Variants in IQCM observed in about 807,000 individuals in gnomAD.
IQCM encodes IQ domain-containing protein M.
In IQCM, 45 loss-of-function variants were observed where a neutral mutation model predicts 57.6. The observed-to-expected ratio is 0.78, with a 90% CI of 0.62 to 1.00. The LOEUF (loss-of-function observed/expected upper bound fraction) is 1.00, where lower values mean the gene tolerates loss of function less well. IQCM is among the 50% of genes least tolerant of loss of function. IQCM has a pLI of 0.00. For missense variants in IQCM, 468 were observed against 511.6 expected (o/e 0.91, Z 0.82); for synonymous variants, 148 against 158.9 (o/e 0.93, Z 0.51).
chr4:149,565,780 T>G (rs551710942), intron 9 of IQCM, among the ~76,000 whole-genome samples: 1 of 152,298 alleles, frequency 6.6e-6, no homozygotes, highest in South Asian at 2.1e-4. Context: ...GTTCTCTTTG[T>G]GTCTATGTGT....
intron 13 of IQCM, among the ~76,000 whole-genome samples, chr4:149,420,507 G>GA (rs1734050748): frequency 2.6e-5 from 4 of 151,960 alleles, no homozygotes; most frequent in Admixed American, 2.6e-4. Context: ...AGACCATTGG[G>GA]AAAAATAGAT....
At chr4:149,710,522 C>T (rs559013975) in intron 5 of IQCM, among the ~76,000 whole-genome samples, 1 of 152,182 alleles carries the variant, frequency 6.6e-6, no homozygotes, top group African/African-American at 2.4e-5. Context: ...ATTCTTGTTG[C>T]TCCTCCCATT....
At position 149,701,726 on chromosome 4, in the gene IQCM, CT is replaced by C. The variant is rs563090266; in HGVS notation, c.386-15259del. ...TCAGCCTATATCACTAAAAAAGATA[CT>C]ACAAGAATAGAAAATGGTTAGAGTC... On this transcript the variant is annotated intron_variant, in intron 5 of 13. Coordinates refer to ENST00000636793, the MANE Select transcript of IQCM (RefSeq NM_001363507.2). Among the ~76,000 whole-genome samples, 43 of 152,054 alleles carry C rather than the reference CT, an allele frequency of 2.8e-4. 1 individual carries two copies. The South Asian group carries it at 4.2e-3, about 15-fold the overall frequency.
intron 13 of IQCM, among the ~76,000 whole-genome samples, chr4:149,389,390 T>C (rs1288858839): frequency 6.6e-6 from 1 of 152,018 alleles, no homozygotes; most frequent in Non-Finnish European, 1.5e-5. Context: ...ACAATGCTGC[T>C]ATAAAGACAC....
chr4:149,600,961 T>C (rs1016331347), intron 8 of IQCM, among the ~76,000 whole-genome samples: 13 of 152,174 alleles, frequency 8.5e-5, no homozygotes, highest in African/African-American at 2.7e-4. Flanking sequence ...GGGTATTATC[T>C]CATTCCTCAA....
At chr4:149,690,298 T>C (rs1233437794) in intron 5 of IQCM, among the ~76,000 whole-genome samples, 31 of 152,130 alleles carry the variant, frequency 2.0e-4, no homozygotes, top group Non-Finnish European at 3.4e-4. Flanking sequence ...TTGGAGACTA[T>C]TATTCTAAGT....
intron 7 of IQCM, among the ~76,000 whole-genome samples, chr4:149,641,458 C>A (rs1436514388): frequency 2.0e-5 from 3 of 151,906 alleles, no homozygotes; most frequent in Non-Finnish European, 2.9e-5. Context: ...CATTCATATA[C>A]AATTAGATGA....
At chr4:149,375,839 G>A (rs1019900231) in intron 13 of IQCM, among the ~76,000 whole-genome samples, 1 of 152,052 alleles carries the variant, frequency 6.6e-6, no homozygotes, top group Non-Finnish European at 1.5e-5. Flanking sequence ...ATCATTTAAT[G>A]AAACGAACAA....
intron 7 of IQCM, among the ~76,000 whole-genome samples, chr4:149,674,266 T>C (rs986541483): frequency 5.3e-5 from 8 of 152,140 alleles, no homozygotes; most frequent in Admixed American, 5.2e-4. Flanking sequence ...AGAAAAAATA[T>C]GATAATTGGT....
At position 149,695,818 on chromosome 4, in the gene IQCM, T is replaced by A. The variant is rs185064534; in HGVS notation, c.386-9350A>T. Among the ~76,000 whole-genome samples, 212 of 152,148 alleles carry A rather than the reference T, an allele frequency of 1.4e-3. 1 individual carries two copies. The highest frequency in any genetic ancestry group is 4.6e-4 in the Non-Finnish European group (31 of 67,984). On this transcript the variant is annotated intron_variant, in intron 5 of 13. Coordinates refer to ENST00000636793, the MANE Select transcript of IQCM (RefSeq NM_001363507.2). ...AAGATTTTGGGTGGCTATTAATAAG[T>A]TTCCAGTGAGTTCGCCATGAAGACC... is the stretch of plus-strand genomic sequence containing the variant.
chr4:149,370,588 C>G (rs1487601867), intron 13 of IQCM, among the ~76,000 whole-genome samples: 1 of 151,968 alleles, frequency 6.6e-6, no homozygotes, highest in Non-Finnish European at 1.5e-5. Context: ...CACACACACA[C>G]ACACCCTTAT....
In IQCM at chr4:149,815,840, C is replaced by T. The variant is rs1443546452; in HGVS notation, c.-327G>A. ...GCTTCTTCTCACATATGCCTGTCTT[C>T]TTTGGGCATCAGAAGAATTCTAGAA... On this transcript the variant is annotated 5_prime_UTR_variant, in exon 1 of 14. Coordinates refer to ENST00000636793, the MANE Select transcript of IQCM (RefSeq NM_001363507.2). The T allele has an allele frequency of 2.6e-5, 4 of 151,906 alleles. No homozygotes were observed. Among genetic ancestry groups the T allele is most frequent in the Non-Finnish European group, 1.5e-5 (1 of 67,880 alleles). 9.4% of individuals were successfully genotyped at this position (151,906 alleles called of 1,614,324 possible). A position where few individuals can be genotyped will look rare whatever the true frequency, so the allele number is the denominator to read the frequency against.
intron 9 of IQCM, among the ~76,000 whole-genome samples, chr4:149,569,475 A>G (rs891626329): frequency 1.3e-5 from 2 of 152,164 alleles, no homozygotes; most frequent in African/African-American, 4.8e-5. Flanking sequence ...AGAGGACTCC[A>G]TTCCTCTCCA....
At chr4:149,616,888 T>C (rs1755838848) in intron 8 of IQCM, among the ~76,000 whole-genome samples, 1 of 151,814 alleles carries the variant, frequency 6.6e-6, no homozygotes, top group Non-Finnish European at 1.5e-5. Context: ...AGTTAATAGG[T>C]GCAGCAAACC....
chr4:149,797,020 G>A (rs544798993), intron 2 of IQCM, among the ~76,000 whole-genome samples: 6 of 152,060 alleles, frequency 3.9e-5, no homozygotes, highest in Non-Finnish European at 5.9e-5. Context: ...TAACACCTAC[G>A]AAGTATCAAG....
rs569704691 is a variant in IQCM, at chr4:149,521,040, T to G, written c.1228+27415A>C. On this transcript the variant is annotated intron_variant, in intron 12 of 13. Coordinates refer to ENST00000636793, the MANE Select transcript of IQCM (RefSeq NM_001363507.2). ...AACAGGACAGCTAGCTAACCCACTC[T>G]TTTCTGCAGTTTCTCACTTGGGTCC... Among the ~76,000 whole-genome samples the G allele has an allele frequency of 7.9e-5, 12 of 152,288 alleles. No homozygotes were observed. The East Asian group carries it at 2.3e-3, about 29-fold the overall frequency.
At chr4:149,666,073 A>G (rs1174120193) in intron 7 of IQCM, 2 of 152,210 alleles carry the variant, frequency 1.3e-5, no homozygotes, top group East Asian at 3.9e-4. Context: ...CAGCTTACAG[A>G]TGGCCTATTG....
chr4:149,502,155 C>T (rs1012007583), intron 12 of IQCM, among the ~76,000 whole-genome samples: 26 of 151,512 alleles, frequency 1.7e-4, no homozygotes, highest in Admixed American at 9.9e-4. Flanking sequence ...TATATATACA[C>T]ACACACACAC....
chr4:149,563,826 T>G lies in IQCM; in HGVS notation c.814A>C (p.Ile272Leu). 8.1e-7 allele frequency: 1 copy of G among 1,231,564 alleles called. No individual in the cohort carries two copies. The highest frequency in any genetic ancestry group is 1.0e-6 in the Non-Finnish European group (1 of 987,482). The allele number at this position is 1,231,564 out of a possible 1,614,324, so 76.3% of individuals were successfully genotyped here. A position where few individuals can be genotyped will look rare whatever the true frequency, so the allele number is the denominator to read the frequency against. Residue 272 changes from isoleucine (I) to leucine (L), a missense_variant, in exon 10 of 14, where the codon ATA becomes CTA. Coordinates refer to ENST00000636793, the MANE Select transcript of IQCM (RefSeq NM_001363507.2). Reference protein sequence around the residue: ...DSKVKRIGPHIEIFQVFRERK... With the variant: ...DSKVKRIGPHLEIFQVFRERK... ...TCTCGGAACACTTGGAAGATTTCTA[T>G]GTGTGGTCCAATTCTTTTAACTTTA... is the stretch of plus-strand genomic sequence containing the variant.
Sources: gnomAD v4.1 joint callset for allele counts (sites outside exome capture counted in the v4.1 genomes callset) on GRCh38, gnomAD v4.1.1 for gene constraint, MANE v1.5 for transcripts, NCBI Gene and HGNC (gene_info 2026-07-23, HGNC 2026-07-21) for gene names.